Variants in RAB11FIP3 observed in about 807,000 individuals in gnomAD.
RAB11FIP3 encodes the protein RAB11 family interacting protein 3.
Under a neutral mutation model 77.8 loss-of-function variants are expected in RAB11FIP3, and 17 were observed. The observed-to-expected ratio is 0.22, with a 90% CI of 0.15 to 0.33. The LOEUF (loss-of-function observed/expected upper bound fraction) is 0.33, where lower values mean the gene tolerates loss of function less well. Ranked by LOEUF, RAB11FIP3 falls within the 10% of genes least tolerant of loss-of-function variation. The probability of loss-of-function intolerance (pLI) is 1.00; values close to 1 mark genes in which losing one functional copy is unlikely to be tolerated. For missense variants in RAB11FIP3, 1,005 were observed against 1,011.2 expected, an observed-to-expected ratio of 0.99 and a Z score of 0.08; for synonymous variants, 437 against 448.2, an observed-to-expected ratio of 0.98 and a Z score of 0.31.
At chr16:465,645 T>C (rs906676767) in intron 2 of RAB11FIP3, among the ~76,000 whole-genome samples, 2 of 152,172 alleles carry the variant, frequency 1.3e-5, no homozygotes, top group Non-Finnish European at 1.5e-5. Flanking sequence ...AGTCTCGCTC[T>C]GTCGGCCAGG....
intron 6 of RAB11FIP3, among the ~76,000 whole-genome samples, chr16:499,199 C>T (rs564379104): frequency 2.0e-5 from 3 of 152,196 alleles, no homozygotes; most frequent in African/African-American, 7.2e-5. Context: ...GCAACAAGAG[C>T]GAGACTCCAT....
intron 5 of RAB11FIP3, among the ~76,000 whole-genome samples, chr16:494,568 G>C (rs2030930749): frequency 6.6e-6 from 1 of 151,940 alleles, no homozygotes; most frequent in South Asian, 2.1e-4. Context: ...CTTGCAGTGA[G>C]CCGAGATCAT....
intron 10 of RAB11FIP3, 75 bp downstream of exon 10, chr16:519,099 C>T: frequency 6.8e-7 from 1 of 1,475,258 alleles, no homozygotes. Flanking sequence ...CTGAGGTAGC[C>T]CTGAGCTCTG....
chr16:451,733 G>A (rs1177267126), intron 1 of RAB11FIP3, among the ~76,000 whole-genome samples: 3 of 152,164 alleles, frequency 2.0e-5, no homozygotes, highest in Non-Finnish European at 4.4e-5. Context: ...TCCTTGGGAG[G>A]CTGAGGCAGG....
chr16:502,755 G>A (rs1227909199), intron 6 of RAB11FIP3: 6 of 542,560 alleles, frequency 1.1e-5, no homozygotes, highest in African/African-American at 2.0e-5. Flanking sequence ...TCCAAAGAGC[G>A]CCAGGAAGAC....
intron 1 of RAB11FIP3, among the ~76,000 whole-genome samples, chr16:429,072 TG>T (rs2054996400): frequency 6.6e-6 from 1 of 152,102 alleles, no homozygotes; most frequent in South Asian, 2.1e-4. Context: ...GCCGGCTTCC[TG>T]GGATGGAGGA....
intron 1 of RAB11FIP3, among the ~76,000 whole-genome samples, chr16:431,884 G>A (rs2055043202): frequency 6.6e-6 from 1 of 151,894 alleles, no homozygotes; most frequent in African/African-American, 2.4e-5. Flanking sequence ...AGCCTCCTGA[G>A]TAGCTGGGAC....
rs538575030 is a variant in RAB11FIP3 at position 482,753 on chromosome 16, G to A, written c.1115+17G>A. ...CCCAGGCAGGTCTGTACCCCGCCACGGGCCTCCTGGAGAGGCCTTGGGATG... is the reference window on the plus strand; with the variant it reads ...CCCAGGCAGGTCTGTACCCCGCCACAGGCCTCCTGGAGAGGCCTTGGGATG... On this transcript the variant is annotated intron_variant, in intron 4 of 13. Coordinates refer to ENST00000262305, the MANE Select transcript of RAB11FIP3 (RefSeq NM_014700.4). 1.1e-5 allele frequency: 17 copies of A among 1,575,200 alleles called. No individual in the cohort carries two copies. Among genetic ancestry groups the A allele is most frequent in the Admixed American group, 5.5e-5 (3 of 54,894 alleles).
In RAB11FIP3 at chr16:519,885, C is replaced by T. The variant is rs1328591618; in HGVS notation, c.1854C>T (p.Thr618=). 2 of 1,585,810 alleles carry T rather than the reference C, an allele frequency of 1.3e-6. No homozygotes were observed. Among genetic ancestry groups the T allele is most frequent in the African/African-American group, 2.7e-5 (2 of 74,434 alleles). The change falls in exon 11 of 14, where the codon ACC becomes ACT. Residue 618 remains threonine, a synonymous_variant. Transcript: ENST00000262305. ...AGTTCCAGAGGGACAAGGAGGCCACCCAGGAGGTGAGCACCCACCCTGCCC... is the reference window on the plus strand; with the variant it reads ...AGTTCCAGAGGGACAAGGAGGCCACTCAGGAGGTGAGCACCCACCCTGCCC... The part of the protein sequence containing the change: ...RHQFQRDKEA[T]QELIEDLRKQ...
At chr16:428,825 T>C (rs1345593187) in intron 1 of RAB11FIP3, among the ~76,000 whole-genome samples, 1 of 152,146 alleles carries the variant, frequency 6.6e-6, no homozygotes, top group Non-Finnish European at 1.5e-5. Flanking sequence ...AAACTTTGTG[T>C]TGCTATTTGG....
intron 1 of RAB11FIP3, among the ~76,000 whole-genome samples, chr16:429,750 G>A (rs1321040475): frequency 6.6e-6 from 1 of 152,006 alleles, no homozygotes; most frequent in Non-Finnish European, 1.5e-5. Flanking sequence ...CACCCGCCTC[G>A]GCCTCCCAAA....
intron 2 of RAB11FIP3, among the ~76,000 whole-genome samples, chr16:470,979 CTT>C (rs56315622): frequency 6.8e-6 from 1 of 147,652 alleles, no homozygotes; most frequent in Non-Finnish European, 1.5e-5. Flanking sequence ...ATGTCTTGCT[CTT>C]TTTTTTTTTG....
intron 2 of RAB11FIP3, among the ~76,000 whole-genome samples, chr16:465,093 C>T (rs1368272552): frequency 2.6e-5 from 4 of 152,120 alleles, no homozygotes; most frequent in Non-Finnish European, 4.4e-5. Flanking sequence ...TGGAGACTCA[C>T]GTTAGCTTGG....
Position 520,513 on chromosome 16 carries a change from C to T in RAB11FIP3, c.2071C>T (p.Leu691Phe). Residue 691 changes from leucine (L) to phenylalanine (F), a missense_variant, in exon 13 of 14, where the codon CTC becomes TTC. Leu to Phe is a conservative substitution (Grantham distance 22, BLOSUM62 0). Coordinates refer to ENST00000262305, the MANE Select transcript of RAB11FIP3 (RefSeq NM_014700.4). Reference protein sequence around the residue: ...NEELNGQIITLSIQGAKSLFS... With the variant: ...NEELNGQIITFSIQGAKSLFS... Reference sequence around the variant, plus strand: ...GGAGCTGAACGGGCAGATCATTACCCTCAGCATCCAGGGCGCCAAGAGCCT... The same window carrying T: ...GGAGCTGAACGGGCAGATCATTACCTTCAGCATCCAGGGCGCCAAGAGCCT... 6.2e-7 allele frequency: 1 copy of T among 1,613,736 alleles called. No individual in the cohort carries two copies. Among genetic ancestry groups the T allele is most frequent in the Non-Finnish European group, 8.5e-7 (1 of 1,180,036 alleles).
rs530418977 is a variant in RAB11FIP3, at chr16:498,684, G to T, written c.1301+1825G>T. On this transcript the variant is annotated intron_variant, in intron 6 of 13. Coordinates refer to ENST00000262305, the MANE Select transcript of RAB11FIP3 (RefSeq NM_014700.4). ...CAGGCGCATGCCACCATACCCAGAT[G>T]ATTTTTTAATTTTTTGTAGAGACAG... Among the ~76,000 whole-genome samples, 4 of 151,808 alleles carry T rather than the reference G, an allele frequency of 2.6e-5. No individual in the cohort carries two copies. The South Asian group carries it at 8.3e-4, about 32-fold the overall frequency.
chr16:511,766 C>T, intron 9 of RAB11FIP3, among the ~76,000 whole-genome samples: 1 of 111,290 alleles, frequency 9.0e-6, no homozygotes, highest in African/African-American at 4.3e-5. Flanking sequence ...AACTGCAGGC[C>T]AGGCAGGAGA....
Position 519,909 on chromosome 16 carries a change from C to T in RAB11FIP3, c.1860+18C>T. The T allele has an allele frequency of 6.4e-7, 1 of 1,566,632 alleles. No individual in the cohort carries two copies. Among genetic ancestry groups the T allele is most frequent in the African/African-American group, 1.4e-5 (1 of 73,972 alleles). ...CCCAGGAGGTGAGCACCCACCCTGC[C>T]CCACGCCCAGTCCTGCGCCCAGCCT... On this transcript the variant is annotated intron_variant, in intron 11 of 13. Coordinates refer to ENST00000262305, the MANE Select transcript of RAB11FIP3 (RefSeq NM_014700.4).
At position 502,197 on chromosome 16, in the gene RAB11FIP3, C is replaced by T. The variant is rs114535935; in HGVS notation, c.1302-807C>T. On this transcript the variant is annotated intron_variant, in intron 6 of 13. Transcript: ENST00000262305. ...TACTCCCGGCAAGTTTGGGTTGGTA[C>T]AGATTCACCACAGCGAATCTGACCA... is the stretch of plus-strand genomic sequence containing the variant. Among the ~76,000 whole-genome samples the T allele has an allele frequency of 6.8e-3, 1,032 of 152,380 alleles. 11 individuals are homozygous for T. Among genetic ancestry groups the T allele is most frequent in the African/African-American group, 0.024 (982 of 41,594 alleles).
chr16:494,881 C>T (rs1212737911), intron 5 of RAB11FIP3, among the ~76,000 whole-genome samples: 90 of 149,766 alleles, frequency 6.0e-4, no homozygotes, highest in African/African-American at 1.4e-3. Flanking sequence ...GAGGTCGAGG[C>T]TGCAGAGGTG....
Sources: allele counts gnomAD v4.1 joint callset (sites outside exome capture counted in the v4.1 genomes callset), GRCh38; gene constraint gnomAD v4.1.1; transcripts MANE v1.5; gene names NCBI Gene and HGNC (gene_info 2026-07-23, HGNC 2026-07-21).